DPF3: variants seen among roughly 807,000 people sequenced by gnomAD.
DPF3 encodes zinc finger protein DPF3.
A neutral mutation model predicts 56.8 loss-of-function variants in DPF3; 18 were observed. That is an observed-to-expected ratio of 0.32 (90% CI 0.22 to 0.47). DPF3 has a LOEUF of 0.47. DPF3 is among the 20% of genes least tolerant of loss of function. DPF3 has a pLI of 1.00. For missense variants in DPF3, 403 were observed against 488.8 expected, an observed-to-expected ratio of 0.82 and a Z score of 1.65; for synonymous variants, 188 against 180.2, an observed-to-expected ratio of 1.04 and a Z score of -0.35.
At chr14:72,757,167 GA>G in intron 2 of DPF3, among the ~76,000 whole-genome samples, 1 of 152,038 alleles carries the variant, frequency 6.6e-6, no homozygotes, top group Non-Finnish European at 1.5e-5. Context: ...AAATGGGGAA[GA>G]AAAAAACTGA....
chr14:72,631,331 C>A (rs901345955), intron 8 of DPF3, among the ~76,000 whole-genome samples: 5 of 152,162 alleles, frequency 3.3e-5, no homozygotes, highest in African/African-American at 1.2e-4. Context: ...GAAAAAGAAG[C>A]CTTACATTAA....
intron 1 of DPF3, among the ~76,000 whole-genome samples, chr14:72,814,080 T>G (rs1161292196): frequency 2.6e-5 from 4 of 151,266 alleles, no homozygotes; most frequent in Non-Finnish European, 5.9e-5. Context: ...GCAGGGCCAC[T>G]TTTTTTAAAA....
intron 8 of DPF3, among the ~76,000 whole-genome samples, chr14:72,651,031 A>G (rs1428140505): frequency 6.6e-6 from 1 of 152,242 alleles, no homozygotes; most frequent in Non-Finnish European, 1.5e-5. Context: ...TGAATCTTGG[A>G]GACCACCAAG....
At chr14:72,885,577 T>A (rs558972119) in intron 1 of DPF3, among the ~76,000 whole-genome samples, 2 of 152,044 alleles carry the variant, frequency 1.3e-5, no homozygotes, top group African/African-American at 4.8e-5. Flanking sequence ...CTTTTTTTTT[T>A]ATTTTTTGTA....
intron 8 of DPF3, among the ~76,000 whole-genome samples, chr14:72,668,949 G>A (rs749389461): frequency 8.5e-5 from 13 of 152,184 alleles, no homozygotes; most frequent in East Asian, 1.9e-4. Context: ...ATTGGCTGAC[G>A]TGTGAGCATG....
At chr14:72,891,975 CCCCCACCCTTAA>C (rs1886768920) in intron 1 of DPF3, among the ~76,000 whole-genome samples, 1 of 152,304 alleles carries the variant, frequency 6.6e-6, no homozygotes, top group African/African-American at 2.4e-5. Context: ...TCTGTCCCTT[CCCCCACCCTTAA>C]CCCCACCCTA....
intron 6 of DPF3, among the ~76,000 whole-genome samples, chr14:72,700,749 C>T (rs1888123378): frequency 6.6e-6 from 1 of 152,196 alleles, no homozygotes; most frequent in Non-Finnish European, 1.5e-5. Flanking sequence ...GGGCAAGTTA[C>T]TAATCCTCTC....
chr14:72,739,308 G>A (rs1210729922), intron 3 of DPF3, among the ~76,000 whole-genome samples: 2 of 151,956 alleles, frequency 1.3e-5, no homozygotes, highest in East Asian at 1.9e-4. Flanking sequence ...GCTGCTCTGG[G>A]GTGAACTCTC....
chr14:72,861,228 G>A (rs1021624849), intron 1 of DPF3, among the ~76,000 whole-genome samples: 3 of 152,034 alleles, frequency 2.0e-5, no homozygotes, highest in Non-Finnish European at 4.4e-5. Context: ...ATTTCTCAAT[G>A]ATTACCGTTT....
intron 1 of DPF3, among the ~76,000 whole-genome samples, chr14:72,836,750 A>G (rs970607648): frequency 6.6e-6 from 1 of 152,060 alleles, no homozygotes; most frequent in South Asian, 2.1e-4. Context: ...AAGCTGGTCA[A>G]TCTACTCCTA....
At chr14:72,624,452 C>A (rs745590418) in intron 9 of DPF3, among the ~76,000 whole-genome samples, 12 of 151,730 alleles carry the variant, frequency 7.9e-5, no homozygotes, top group Non-Finnish European at 1.3e-4. Context: ...AATTCTCCTG[C>A]CTCAGCGTCC....
intron 7 of DPF3, among the ~76,000 whole-genome samples, chr14:72,682,770 A>G (rs1297406431): frequency 6.6e-6 from 1 of 152,232 alleles, no homozygotes; most frequent in Non-Finnish European, 1.5e-5. Context: ...ATGGTGGCAC[A>G]CGCAGGGGCG....
intron 1 of DPF3, among the ~76,000 whole-genome samples, chr14:72,808,560 T>C (rs1292300900): frequency 1.3e-5 from 2 of 152,192 alleles, no homozygotes; most frequent in Non-Finnish European, 2.9e-5. Flanking sequence ...GACAGGAGTC[T>C]TCCAAATTAA....
intron 7 of DPF3, among the ~76,000 whole-genome samples, chr14:72,685,703 A>G (rs1365087525): frequency 6.6e-6 from 1 of 152,252 alleles, no homozygotes; most frequent in Non-Finnish European, 1.5e-5. Flanking sequence ...AATGAGATAC[A>G]TGTGGCATGC....
chr14:72,801,879 A>G (rs1437133882), intron 1 of DPF3, among the ~76,000 whole-genome samples: 1 of 152,228 alleles, frequency 6.6e-6, no homozygotes, highest in Non-Finnish European at 1.5e-5. Flanking sequence ...AGAGTTTCAC[A>G]TAAAACACCC....
In DPF3 at chr14:72,618,004, C is replaced by T. The variant is rs995823628; in HGVS notation, c.*1293G>A. Among the ~76,000 whole-genome samples, 4 of 152,148 alleles carry T rather than the reference C, an allele frequency of 2.6e-5. No homozygotes were observed. Among genetic ancestry groups the T allele is most frequent in the African/African-American group, 9.7e-5 (4 of 41,424 alleles). Reference sequence around the variant, plus strand: ...CCGCTCCAGCCCTCGGGGCTATCTTCCAACACACAGAGTTCTCGGAAGCTC... The same window carrying T: ...CCGCTCCAGCCCTCGGGGCTATCTTTCAACACACAGAGTTCTCGGAAGCTC... On this transcript the variant is annotated 3_prime_UTR_variant, in exon 11 of 11. Transcript: ENST00000556509.
chr14:72,795,287 A>ATATATAT (rs1371528147), intron 1 of DPF3, among the ~76,000 whole-genome samples: 2 of 124,972 alleles, frequency 1.6e-5, no homozygotes, highest in South Asian at 4.7e-4. Context: ...CAAAAAAAAA[A>ATATATAT]AAAAAAAAAT....
chr14:72,810,796 T>C (rs1355174617), intron 1 of DPF3, among the ~76,000 whole-genome samples: 15 of 152,308 alleles, frequency 9.8e-5, no homozygotes, highest in Non-Finnish European at 1.5e-5. Context: ...GACCCCAGAC[T>C]GTCATTGCTG....
intron 1 of DPF3, among the ~76,000 whole-genome samples, chr14:72,852,456 C>A (rs894577666): frequency 6.6e-6 from 1 of 152,224 alleles, no homozygotes; most frequent in Non-Finnish European, 1.5e-5. Flanking sequence ...CTCACACCCC[C>A]TTGCCTGAAA....
Sources: allele counts gnomAD v4.1 joint callset (sites outside exome capture counted in the v4.1 genomes callset), GRCh38; gene constraint gnomAD v4.1.1; transcripts MANE v1.5; gene names NCBI Gene and HGNC (gene_info 2026-07-23, HGNC 2026-07-21).